PCDH15: variants seen among roughly 807,000 people sequenced by gnomAD.
PCDH15 encodes protocadherin related 15, also known as protocadherin-15.
PCDH15 carries 129 observed loss-of-function variants against 178.5 expected under a neutral mutation model. That is an observed-to-expected ratio of 0.72 (90% CI 0.63 to 0.84). The LOEUF (loss-of-function observed/expected upper bound fraction) is 0.84. Among genes scored for constraint, PCDH15 ranks in the 40% least tolerant of loss-of-function variants. The pLI is 0.00. For missense variants in PCDH15, 2,230 were observed against 2,099.9 expected (o/e 1.06, Z -1.21); for synonymous variants, 800 against 732.0 (o/e 1.09, Z -1.50).
intron 23 of PCDH15, among the ~76,000 whole-genome samples, chr10:53,953,447 C>A (rs925407179): frequency 5.3e-5 from 8 of 151,996 alleles, no homozygotes; most frequent in Non-Finnish European, 1.2e-4. Context: ...TACTATAACT[C>A]TGGCCATTAT....
chr10:53,825,199 TAG>T (rs1366467358), intron 32 of PCDH15: 1 of 1,506,584 alleles, frequency 6.6e-7, no homozygotes. Context: ...AAGTTTTTAC[TAG>T]AGTTAATTTA....
chr10:55,412,858 A>C (rs1259785990), intron 2 of PCDH15, among the ~76,000 whole-genome samples: 3 of 147,702 alleles, frequency 2.0e-5, no homozygotes, highest in African/African-American at 7.5e-5. Context: ...CATTCCTGAC[A>C]AAAGATTAAT....
intron 26 of PCDH15, among the ~76,000 whole-genome samples, chr10:53,882,509 G>A (rs570177226): frequency 2.0e-5 from 3 of 152,206 alleles, no homozygotes; most frequent in South Asian, 2.1e-4. Flanking sequence ...TTACAGGCAC[G>A]CGCCACCACG....
intron 2 of PCDH15, among the ~76,000 whole-genome samples, chr10:55,380,103 A>G (rs1484809049): frequency 6.6e-6 from 1 of 152,164 alleles, no homozygotes. Flanking sequence ...CAGAACTCAC[A>G]TGAGAAAAAT....
chr10:53,906,534 A>G (rs777212702), intron 25 of PCDH15, among the ~76,000 whole-genome samples: 3 of 152,138 alleles, frequency 2.0e-5, no homozygotes, highest in Admixed American at 1.3e-4. Context: ...ATTTTTGTTG[A>G]ACAAAAAAGT....
At position 55,156,460 on chromosome 10, in the gene PCDH15, C is replaced by T. The variant is rs150269647; in HGVS notation, c.-80+10116G>A. On this transcript the variant is annotated intron_variant, in intron 2 of 5. Transcript: ENST00000458638. ...GTTGCTGATTTTTGACCAATTGGCACCTCCATGTGGCAGTTTTATGTGTTT... is the reference window on the plus strand; with the variant it reads ...GTTGCTGATTTTTGACCAATTGGCATCTCCATGTGGCAGTTTTATGTGTTT... Among the ~76,000 whole-genome samples the T allele has an allele frequency of 8.0e-4, 121 of 152,178 alleles. No individual in the cohort carries two copies. The East Asian group carries it at 0.022, about 28-fold the overall frequency.
intron 2 of PCDH15, among the ~76,000 whole-genome samples, chr10:55,435,147 G>A (rs558230163): frequency 6.6e-6 from 1 of 151,994 alleles, no homozygotes; most frequent in Non-Finnish European, 1.5e-5. Flanking sequence ...AGTAAGTAAA[G>A]AATAATGCTT....
chr10:54,706,977 A>G (rs1007953324), intron 1 of PCDH15, among the ~76,000 whole-genome samples: 1 of 152,232 alleles, frequency 6.6e-6, no homozygotes, highest in Non-Finnish European at 1.5e-5. Context: ...TGTTGAGAAC[A>G]TAGAAGCAAT....
intron 7 of PCDH15, among the ~76,000 whole-genome samples, chr10:54,322,536 G>C (rs1342305): frequency 0.71 from 107,110 of 151,778 alleles, 38,539 homozygotes; most frequent in Middle Eastern, 0.81. Context: ...CTAGAGTAAA[G>C]TGATATGTTT....
intron 25 of PCDH15, among the ~76,000 whole-genome samples, chr10:53,908,746 C>T (rs763093394): frequency 9.2e-5 from 14 of 152,156 alleles, no homozygotes; most frequent in Non-Finnish European, 1.6e-4. Flanking sequence ...CTTATTGTTA[C>T]GTATCGTTGC....
chr10:53,809,472 A>AGTT, intron 37 of PCDH15: 1 of 1,613,950 alleles, frequency 6.2e-7, no homozygotes, highest in Non-Finnish European at 8.5e-7. Context: ...GTTTTTCGAT[A>AGTT]GTTACAACTA....
chr10:55,354,256 T>C (rs1845016822), intron 2 of PCDH15, among the ~76,000 whole-genome samples: 1 of 152,112 alleles, frequency 6.6e-6, no homozygotes, highest in African/African-American at 2.4e-5. Flanking sequence ...TATCACCCCA[T>C]TACTCTGATC....
chr10:54,439,038 T>G (rs2075622960), intron 3 of PCDH15, among the ~76,000 whole-genome samples: 1 of 151,990 alleles, frequency 6.6e-6, no homozygotes, highest in Admixed American at 6.6e-5. Flanking sequence ...AATTTAGGGA[T>G]ACCGGTCATT....
chr10:54,582,540 C>T (rs184175215), intron 2 of PCDH15, among the ~76,000 whole-genome samples: 260 of 152,054 alleles, frequency 1.7e-3, no homozygotes, highest in African/African-American at 3.4e-3. Context: ...GCAAACAAAA[C>T]GGTAGGTGCT....
At chr10:53,951,582 G>T (rs2087053168) in intron 23 of PCDH15, among the ~76,000 whole-genome samples, 1 of 152,216 alleles carries the variant, frequency 6.6e-6, no homozygotes, top group African/African-American at 2.4e-5. Flanking sequence ...GCATGTGGAA[G>T]ATTTGTTACA....
At chr10:54,285,380 A>G (rs1041331310) in intron 8 of PCDH15, among the ~76,000 whole-genome samples, 3 of 152,180 alleles carry the variant, frequency 2.0e-5, no homozygotes, top group Non-Finnish European at 4.4e-5. Flanking sequence ...CTCAATAGCA[A>G]GAAAACAAAT....
intron 26 of PCDH15, among the ~76,000 whole-genome samples, chr10:53,882,947 G>C (rs1236721263): frequency 2.6e-5 from 4 of 151,948 alleles, no homozygotes; most frequent in Non-Finnish European, 4.4e-5. Context: ...AATGCAAATG[G>C]ACCAAGGAAT....
At chr10:54,154,726 A>G (rs2133356950) in intron 13 of PCDH15, among the ~76,000 whole-genome samples, 1 of 152,286 alleles carries the variant, frequency 6.6e-6, no homozygotes, top group East Asian at 1.9e-4. Flanking sequence ...GCAGCAAAAA[A>G]TAATTGAGAA....
chr10:53,989,084 A>G (rs2091298345), intron 21 of PCDH15, among the ~76,000 whole-genome samples: 1 of 152,200 alleles, frequency 6.6e-6, no homozygotes, highest in African/African-American at 2.4e-5. Flanking sequence ...ACAAAGTTTA[A>G]ACAGTTGGCC....
Sources: gnomAD v4.1 joint callset for allele counts (sites outside exome capture counted in the v4.1 genomes callset) on GRCh38, gnomAD v4.1.1 for gene constraint, MANE v1.5 for transcripts, NCBI Gene and HGNC (gene_info 2026-07-23, HGNC 2026-07-21) for gene names.